Variants in KCNC3 observed in about 807,000 individuals in gnomAD.
KCNC3 encodes potassium voltage-gated channel subfamily C member 3.
A neutral mutation model predicts 43.9 loss-of-function variants in KCNC3; 22 were observed. That is an observed-to-expected ratio of 0.50 (90% CI 0.36 to 0.72). KCNC3 has a LOEUF of 0.72. Among genes scored for constraint, KCNC3 ranks in the 30% least tolerant of loss-of-function variants. KCNC3 has a pLI of 0.00. For missense variants in KCNC3, 829 were observed against 1,073.8 expected (o/e 0.77, Z 3.19); for synonymous variants, 492 against 488.0 (o/e 1.01, Z -0.11).
At chr19:50,321,645 C>G (rs1481651310) in intron 2 of KCNC3, among the ~76,000 whole-genome samples, 1 of 152,090 alleles carries the variant, frequency 6.6e-6, no homozygotes, top group African/African-American at 2.4e-5. Flanking sequence ...TGGCGGGCGC[C>G]TGTAATCCCA....
chr19:50,328,899 CGGGCCCGCGGGGTGCCGGG>C lies in KCNC3; in HGVS notation c.165_183del (p.Pro56GlyfsTer30), dbSNP rs1422461411. ...GGGCATGGCTCGGCGCGCCGGTCCC[CGGGCCCGCGGGGTGCCGGG>C]GGGCCCGCCGGGGACGCGGCGGGGC... On this transcript the variant is annotated frameshift_variant, in exon 1 of 5. Transcript: ENST00000477616. LOFTEE classifies it high-confidence loss of function. The C allele has an allele frequency of 3.1e-6, 3 of 953,444 alleles. No individual in the cohort carries two copies. Among genetic ancestry groups the C allele is most frequent in the Non-Finnish European group, 3.7e-6 (3 of 800,652 alleles). The allele number at this position is 953,444 out of a possible 1,614,324, so 59.1% of individuals were successfully genotyped here.
intron 4 of KCNC3, 100 bp downstream of exon 4, chr19:50,320,123 G>A (rs984527184): frequency 2.2e-5 from 5 of 225,102 alleles, no homozygotes; most frequent in African/African-American, 1.1e-4. Context: ...TGAGGGGGCC[G>A]AAGTCTCGGT....
chr19:50,332,440 AG>A (rs2037198960), upstream of KCNC3, among the ~76,000 whole-genome samples: 1 of 152,070 alleles, frequency 6.6e-6, no homozygotes, highest in South Asian at 2.1e-4. This position sits in a 1 kb window ranked among gnomAD's most constrained non-coding sequence, Gnocchi z 5.8. Flanking sequence ...AGGCCATGGG[AG>A]GGGAAGAGGC....
upstream of KCNC3, among the ~76,000 whole-genome samples, chr19:50,330,690 A>C (rs1005779408): frequency 6.6e-6 from 1 of 152,154 alleles, no homozygotes; most frequent in Non-Finnish European, 1.5e-5. Context: ...CCAAAGCGCC[A>C]GGAAGCACCG....
Position 50,329,049 on chromosome 19 carries a change from C to T in KCNC3, c.34G>A (p.Gly12Arg). 1 of 1,327,986 alleles carries T rather than the reference C, an allele frequency of 7.5e-7. No individual in the cohort carries two copies. Among genetic ancestry groups the T allele is most frequent in the Non-Finnish European group, 9.6e-7 (1 of 1,038,878 alleles). 82.3% of individuals were successfully genotyped at this position (1,327,986 alleles called of 1,614,324 possible). A position where few individuals can be genotyped will look rare whatever the true frequency, so the allele number is the denominator to read the frequency against. ...LSSVCVSSFR[G>R]RQGASKQQPA... The stretch of plus-strand genomic sequence containing the variant: ...TGCTGCTTGCTGGCCCCCTGGCGCC[C>T]GCGGAAGGACGAGACGCAGACTGAG... Residue 12 changes from glycine to arginine, a missense_variant, in exon 1 of 5, where the codon GGG becomes AGG. Physicochemically the swap from Gly to Arg is moderately radical, Grantham distance 125. Transcript: ENST00000477616.
chr19:50,332,586 C>T (rs2037200338), upstream of KCNC3, among the ~76,000 whole-genome samples: 1 of 152,080 alleles, frequency 6.6e-6, no homozygotes, highest in Non-Finnish European at 1.5e-5. This position sits in a 1 kb window ranked among gnomAD's most constrained non-coding sequence, Gnocchi z 5.8. Context: ...GGAGTCTCCA[C>T]CCACCCATTA....
In KCNC3 at chr19:50,324,052, G is replaced by A; in HGVS notation, c.901C>T (p.Leu301Phe). The change falls in exon 2 of 5, where the codon CTC (leucine) becomes TTC (phenylalanine). Residue 301 changes from leucine to phenylalanine, a missense_variant. Leu to Phe is a conservative substitution (Grantham distance 22). Around this residue, in one of 7 missense-constraint regions of KCNC3, gnomAD observed 157 missense variants for 293.5 expected, o/e 0.53. Transcript: ENST00000477616. This position sits in a 1 kb window ranked among gnomAD's most constrained non-coding sequence, Gnocchi z 4.1. The stretch of plus-strand genomic sequence containing the variant: ...AGGCAGAAGGTGGTGATGGAGATGA[G>A]GATGAAGAAGAGGGAGGCGAAGGCC... ...YVAFASLFFILISITTFCLET... is the reference protein window; with the variant it reads ...YVAFASLFFIFISITTFCLET... The A allele has an allele frequency of 1.2e-6, 2 of 1,603,304 alleles. No homozygotes were observed. Among genetic ancestry groups the A allele is most frequent in the Non-Finnish European group, 8.5e-7 (1 of 1,173,364 alleles).
chr19:50,318,183 T>C (rs1033234803), intron 4 of KCNC3, among the ~76,000 whole-genome samples: 2 of 151,138 alleles, frequency 1.3e-5, no homozygotes, highest in Non-Finnish European at 2.9e-5. Context: ...TCTTCTTCTT[T>C]TTTTTGAGAG....
At chr19:50,320,474 G>T in intron 3 of KCNC3, 119 bp downstream of exon 3, 1 of 941,822 alleles carries the variant, frequency 1.1e-6, no homozygotes, top group Non-Finnish European at 1.6e-6. Flanking sequence ...AGGCAGTTTG[G>T]GGCCAAGGGA....
chr19:50,323,757 G>A lies in KCNC3; in HGVS notation c.1196C>T (p.Ser399Leu), dbSNP rs1437049667. 3.7e-6 allele frequency: 6 copies of A among 1,614,208 alleles called. No homozygotes were observed. The highest frequency in any genetic ancestry group is 2.2e-5 in the East Asian group (1 of 44,870). ...ILPFYLEVGL[S>L]GLSSKAAKDV... ...TTTGGCGGCCTTGGAGCTGAGGCCC[G>A]AGAGGCCCACCTCGAGATAGAAGGG... Residue 399 changes from serine to leucine, a missense_variant, in exon 2 of 5, where the codon TCG (serine) becomes TTG (leucine). Physicochemically the swap from Ser to Leu is moderately radical, Grantham distance 145. This residue lies in a region of KCNC3 where 157 missense variants were observed against 293.5 expected (regional missense o/e 0.53). Transcript: ENST00000477616.
At position 50,320,327 on chromosome 19, in the gene KCNC3, G is replaced by T; in HGVS notation, c.2193C>A (p.Pro731=). 4 of 409,616 alleles carry T rather than the reference G, an allele frequency of 9.8e-6. No individual in the cohort carries two copies. The highest frequency in any genetic ancestry group is 2.5e-5 in the South Asian group (1 of 40,414). The allele number at this position is 409,616 out of a possible 1,614,324, so 25.4% of individuals were successfully genotyped here. The change falls in exon 4 of 5, where the codon CCC becomes CCA. Residue 731 remains proline (P), a synonymous_variant. Coordinates refer to ENST00000477616, the MANE Select transcript of KCNC3 (RefSeq NM_004977.3). ...IRKATGAPPL[P]PQDWRKPGPP... is the part of the protein sequence containing the mutation. ...GGCCTGGCTTACGCCAGTCTTGGGGGGGCAGTGGGGGAGCACCAGTGGCTG... is the reference window on the plus strand; with the variant it reads ...GGCCTGGCTTACGCCAGTCTTGGGGTGGCAGTGGGGGAGCACCAGTGGCTG...
chr19:50,324,076 C>A lies in KCNC3; in HGVS notation c.877G>T (p.Ala293Ser). ...AGGATGAAGAAGAGGGAGGCGAAGG[C>A]CACATACTGCAGGGCAGGGAGGGAG... ...PYSSRAARYV[A>S]FASLFFILIS... The change falls in exon 2 of 5, where the codon GCC (alanine) becomes TCC (serine). Residue 293 changes from alanine (A) to serine (S), a missense_variant. Coordinates refer to ENST00000477616, the MANE Select transcript of KCNC3 (RefSeq NM_004977.3). The surrounding 1 kb of genome is among the most constrained non-coding windows in gnomAD (Gnocchi z 4.1). 1 of 1,593,222 alleles carries A rather than the reference C, an allele frequency of 6.3e-7. No individual in the cohort carries two copies. Among genetic ancestry groups the A allele is most frequent in the Non-Finnish European group, 8.6e-7 (1 of 1,168,832 alleles).
At position 50,312,245 on chromosome 19, in the gene KCNC3, C is replaced by G. The variant is rs964461737; in HGVS notation, c.*3870G>C. On this transcript the variant is annotated 3_prime_UTR_variant, in exon 5 of 5. Transcript: ENST00000477616. ...GAGAGCGCCCCCTCACCACTCCCCC[C>G]ACCAGCGACAGGCTAGGCCCGCCCC... The G allele has an allele frequency of 6.6e-6, 1 of 152,114 alleles. No individual in the cohort carries two copies. Among genetic ancestry groups the G allele is most frequent in the African/African-American group, 2.4e-5 (1 of 41,406 alleles). The allele number at this position is 152,114 out of a possible 1,614,324, so 9.4% of individuals were successfully genotyped here. A position where few individuals can be genotyped will look rare whatever the true frequency, so the allele number is the denominator to read the frequency against.
At chr19:50,326,669 C>A (rs2037110214) in intron 1 of KCNC3, among the ~76,000 whole-genome samples, 1 of 152,212 alleles carries the variant, frequency 6.6e-6, no homozygotes, top group South Asian at 2.1e-4. Context: ...GCACTGCCCC[C>A]CTTTTCCACC....
intron 2 of KCNC3, among the ~76,000 whole-genome samples, chr19:50,322,713 C>T (rs1429095782): frequency 2.0e-5 from 3 of 152,162 alleles, no homozygotes; most frequent in Non-Finnish European, 4.4e-5. Context: ...CCTCTCTCTG[C>T]ACAGCTGATG....
chr19:50,330,193 G>T (rs529976316), upstream of KCNC3, among the ~76,000 whole-genome samples: 40 of 152,274 alleles, frequency 2.6e-4, no homozygotes, highest in South Asian at 1.7e-3. Flanking sequence ...CTTGAACCTG[G>T]GAAGTAGAGG....
rs2037057573 is a variant in KCNC3 at position 50,323,195 on chromosome 19, G to A, written c.1758C>T (p.His586=). The A allele has an allele frequency of 2.0e-6, 3 of 1,521,314 alleles. No individual in the cohort carries two copies. Among genetic ancestry groups the A allele is most frequent in the African/African-American group, 1.4e-5 (1 of 72,722 alleles). 94.2% of individuals were successfully genotyped at this position (1,521,314 alleles called of 1,614,324 possible). A position where few individuals can be genotyped will look rare whatever the true frequency, so the allele number is the denominator to read the frequency against. Residue 586 remains histidine, a synonymous_variant, in exon 2 of 5, where the codon CAC becomes CAT. Coordinates refer to ENST00000477616, the MANE Select transcript of KCNC3 (RefSeq NM_004977.3). ...KPDPPPPPPP[H]PHHGSGGISP... ...TGATGCCCCCGCTGCCGTGGTGCGG[G>A]TGGGGCGGGGGTGGCGGGGGTGGGT...
chr19:50,321,786 AAGAG>A (rs1274736865), intron 2 of KCNC3, among the ~76,000 whole-genome samples: 2 of 151,642 alleles, frequency 1.3e-5, no homozygotes, highest in East Asian at 1.9e-4. Context: ...AGAAAAAAAA[AAGAG>A]AGAGATGGTT....
chr19:50,323,464 C>A lies in KCNC3; in HGVS notation c.1489G>T (p.Ala497Ser). The A allele has an allele frequency of 6.2e-7, 1 of 1,614,202 alleles. No individual in the cohort carries two copies. Among genetic ancestry groups the A allele is most frequent in the Non-Finnish European group, 8.5e-7 (1 of 1,180,030 alleles). ...CCCAGGGTCGTCATGGTGACCACAG[C>A]CCACCAGAAGCCAATGGGGATGTTC... ...FKNIPIGFWW[A>S]VVTMTTLGYG... Residue 497 changes from alanine (A) to serine (S), a missense_variant, in exon 2 of 5, where the codon GCT (alanine) becomes TCT (serine). Transcript: ENST00000477616.
Sources: allele counts gnomAD v4.1 joint callset (sites outside exome capture counted in the v4.1 genomes callset), GRCh38; gene constraint gnomAD v4.1.1; regional missense constraint gnomAD v4.1.1; non-coding constraint Gnocchi (gnomAD v3.1); transcripts MANE v1.5; gene names NCBI Gene and HGNC (gene_info 2026-07-23, HGNC 2026-07-21).